UBE2E1: variants seen among roughly 807,000 people sequenced by gnomAD.
UBE2E1 encodes the protein ubiquitin-conjugating enzyme E2 E1.
A neutral mutation model predicts 21.4 loss-of-function variants in UBE2E1; 6 were observed. The observed-to-expected ratio is 0.28, with a 90% confidence interval of 0.15 to 0.55. UBE2E1 has a LOEUF of 0.55. Ranked by LOEUF, UBE2E1 falls within the 20% of genes least tolerant of loss-of-function variation. UBE2E1 has a pLI of 0.93. For synonymous variants in UBE2E1, 87 were observed against 82.7 expected (o/e 1.05, Z -0.28); for missense variants, 142 against 236.5 (o/e 0.60, Z 2.62).
intron 3 of UBE2E1, among the ~76,000 whole-genome samples, chr3:23,884,754 G>A (rs962123594): frequency 2.6e-5 from 4 of 152,108 alleles, no homozygotes; most frequent in Admixed American, 2.6e-4. Flanking sequence ...AGGCAGCTTG[G>A]AATATTGTCA....
At position 23,810,395 on chromosome 3, in the gene UBE2E1, C is replaced by T; in HGVS notation, c.153-1065C>T. 1.3e-6 allele frequency: 2 copies of T among 1,530,446 alleles called. No homozygotes were observed. Among genetic ancestry groups the T allele is most frequent in the East Asian group, 2.5e-5 (1 of 40,756 alleles). 94.8% of individuals were successfully genotyped at this position (1,530,446 alleles called of 1,614,324 possible). ...CGGCCTATGAGTGGGGGATGGGGCCCTTTGTGAAGTCGAGGGTTGGTGCGG... is the reference window on the plus strand; with the variant it reads ...CGGCCTATGAGTGGGGGATGGGGCCTTTTGTGAAGTCGAGGGTTGGTGCGG... On this transcript the variant is annotated intron_variant, in intron 2 of 5. Coordinates refer to ENST00000306627, the MANE Select transcript of UBE2E1 (RefSeq NM_003341.5). The surrounding 1 kb of genome is among the most constrained non-coding windows in gnomAD (Gnocchi z 5.8).
chr3:23,838,109 C>A (rs1318657822), intron 3 of UBE2E1, among the ~76,000 whole-genome samples: 1 of 151,674 alleles, frequency 6.6e-6, no homozygotes, highest in Non-Finnish European at 1.5e-5. Flanking sequence ...GTTCTGTTGC[C>A]CAGGCTATAG....
At chr3:23,883,016 C>T (rs1486916814) in intron 3 of UBE2E1, among the ~76,000 whole-genome samples, 3 of 152,348 alleles carry the variant, frequency 2.0e-5, no homozygotes, top group African/African-American at 4.8e-5. Flanking sequence ...GCTCCTCAAG[C>T]GCGGCCAGAG....
rs1699392389 is a variant in UBE2E1 at position 23,811,517 on chromosome 3, T to G, written c.203+7T>G. On this transcript the variant is annotated splice_region_variant and intron_variant, in intron 3 of 5. Transcript: ENST00000306627. ...ACCCTCCACCTAATTGCAGGTGAGT[T>G]GCTTTTCGGATTTTTTCCATTTTTA... The G allele has an allele frequency of 6.2e-7, 1 of 1,613,920 alleles. No homozygotes were observed. The highest frequency in any genetic ancestry group is 1.3e-5 in the African/African-American group (1 of 74,938).
At chr3:23,861,414 G>T (rs1281526884) in intron 3 of UBE2E1, among the ~76,000 whole-genome samples, 1 of 152,198 alleles carries the variant, frequency 6.6e-6, no homozygotes, top group Non-Finnish European at 1.5e-5. Context: ...TGATACGGAA[G>T]GGAGACAGGG....
rs539200986 is a variant in UBE2E1 at position 23,889,638 on chromosome 3, A to G, written c.484+379A>G. 2.4e-5 allele frequency: 24 copies of G among 985,370 alleles called. 1 individual carries two copies. The East Asian group carries it at 1.7e-3, about 70-fold the overall frequency. 61.0% of individuals were successfully genotyped at this position (985,370 alleles called of 1,614,324 possible). On this transcript the variant is annotated intron_variant, in intron 5 of 5. Transcript: ENST00000306627. ...AGCCTCACCTGTGCCTCTGGGGTTC[A>G]GTGAGCATGTGTCCCATAGCTGGTC...
Position 23,806,217 on chromosome 3 carries a change from G to A in UBE2E1, c.-34+129G>A, listed in dbSNP as rs1033919934. 1.3e-5 allele frequency: 2 copies of A among 148,734 alleles called. No individual in the cohort carries two copies. The highest frequency in any genetic ancestry group is 6.7e-5 in the Admixed American group (1 of 15,010). The allele number at this position is 148,734 out of a possible 1,614,324, so 9.2% of individuals were successfully genotyped here. ...CCGCAGGGCACGGGGCCGGCGCGGG[G>A]GGGGAGCGGAGAGGGGCTGGGGAGC... On this transcript the variant is annotated intron_variant, in intron 1 of 5. Transcript: ENST00000306627. This position sits in a 1 kb window ranked among gnomAD's most constrained non-coding sequence, Gnocchi z 6.5.
chr3:23,881,574 T>C (rs1287861039), intron 3 of UBE2E1, among the ~76,000 whole-genome samples: 1 of 152,206 alleles, frequency 6.6e-6, no homozygotes, highest in Non-Finnish European at 1.5e-5. Context: ...GGTTGGCTGG[T>C]TTTAAAAAAT....
intron 3 of UBE2E1, among the ~76,000 whole-genome samples, chr3:23,822,541 C>G (rs1168036597): frequency 6.6e-6 from 1 of 151,882 alleles, no homozygotes; most frequent in Non-Finnish European, 1.5e-5. Context: ...CCTTTGTGAT[C>G]TTTAGGTTAA....
At chr3:23,872,490 A>G (rs1033389531) in intron 3 of UBE2E1, among the ~76,000 whole-genome samples, 4 of 152,170 alleles carry the variant, frequency 2.6e-5, no homozygotes, top group African/African-American at 9.6e-5. Context: ...CAATTACACC[A>G]AAATACTTTA....
intron 4 of UBE2E1, 143 bp from the exon 5 acceptor site, chr3:23,888,969 C>CTAA (rs1482366708): frequency 1.2e-6 from 1 of 829,978 alleles, no homozygotes; most frequent in Non-Finnish European, 1.8e-6. Context: ...TCAATGAACA[C>CTAA]TTTCTAATCA....
At chr3:23,829,569 G>A (rs895793179) in intron 3 of UBE2E1, among the ~76,000 whole-genome samples, 1 of 151,990 alleles carries the variant, frequency 6.6e-6, no homozygotes, top group Non-Finnish European at 1.5e-5. Context: ...CCCAAAGCAC[G>A]GGGTTTACCA....
At chr3:23,828,362 A>G (rs1699798206) in intron 3 of UBE2E1, among the ~76,000 whole-genome samples, 1 of 152,224 alleles carries the variant, frequency 6.6e-6, no homozygotes, top group South Asian at 2.1e-4. Flanking sequence ...TCTATATTGT[A>G]TGTAAATGTA....
intron 4 of UBE2E1, among the ~76,000 whole-genome samples, chr3:23,888,566 T>C (rs1011398489): frequency 2.0e-5 from 3 of 152,194 alleles, no homozygotes; most frequent in African/African-American, 4.8e-5. Context: ...GATTATATAA[T>C]AGTAAATTCT....
chr3:23,862,913 A>G (rs1700584979), intron 3 of UBE2E1, among the ~76,000 whole-genome samples: 1 of 152,194 alleles, frequency 6.6e-6, no homozygotes, highest in African/African-American at 2.4e-5. Flanking sequence ...TTTTGTAGAG[A>G]CAGGGTTTCC....
In UBE2E1 at chr3:23,816,311, T is replaced by C. The variant is rs1358487534; in HGVS notation, c.203+4801T>C. On this transcript the variant is annotated intron_variant, in intron 3 of 5. Transcript: ENST00000306627. This position sits in a 1 kb window ranked among gnomAD's most constrained non-coding sequence, Gnocchi z 4.8. ...AAAAACCCAAGTGTCTGTCAACAGATGAGTGGATAAACAAAATTTGGTTAA... is the reference window on the plus strand; with the variant it reads ...AAAAACCCAAGTGTCTGTCAACAGACGAGTGGATAAACAAAATTTGGTTAA... 6.6e-6 allele frequency among the ~76,000 whole-genome samples: 1 copy of C among 152,202 alleles called. No individual in the cohort carries two copies. Among genetic ancestry groups the C allele is most frequent in the Non-Finnish European group, 1.5e-5 (1 of 68,040 alleles).
intron 3 of UBE2E1, among the ~76,000 whole-genome samples, chr3:23,812,170 G>T (rs1433664539): frequency 6.6e-6 from 1 of 152,066 alleles, no homozygotes; most frequent in Non-Finnish European, 1.5e-5. Flanking sequence ...AAGCCATTTT[G>T]CTACTGTTGA....
chr3:23,833,817 C>T lies in UBE2E1; in HGVS notation c.203+22307C>T, dbSNP rs137916248. ...TTCAAGACAAACCTGAGCAACACAGCGAGACCCTATCTCTACAGAAAATTT... is the reference window on the plus strand; with the variant it reads ...TTCAAGACAAACCTGAGCAACACAGTGAGACCCTATCTCTACAGAAAATTT... On this transcript the variant is annotated intron_variant, in intron 3 of 5. Transcript: ENST00000306627. Among the ~76,000 whole-genome samples, 221 of 152,102 alleles carry T rather than the reference C, an allele frequency of 1.5e-3. 1 individual carries two copies. Among genetic ancestry groups the T allele is most frequent in the African/African-American group, 5.0e-3 (209 of 41,510 alleles).
At chr3:23,817,267 C>G (rs1173574529) in intron 3 of UBE2E1, among the ~76,000 whole-genome samples, 1 of 151,854 alleles carries the variant, frequency 6.6e-6, no homozygotes, top group African/African-American at 2.4e-5. Flanking sequence ...ACTAAAAATA[C>G]AAAAATTAGC....
Sources: gnomAD v4.1 joint callset for allele counts (sites outside exome capture counted in the v4.1 genomes callset) on GRCh38, gnomAD v4.1.1 for gene constraint, Gnocchi (gnomAD v3.1) non-coding constraint, MANE v1.5 for transcripts, NCBI Gene and HGNC (gene_info 2026-07-23, HGNC 2026-07-21) for gene names.